Variants in PCDHA12 observed in about 807,000 individuals in gnomAD.
PCDHA12 encodes the protein protocadherin alpha-12.
In PCDHA12, 44 loss-of-function variants were observed where a neutral mutation model predicts 60.0. The observed-to-expected ratio is 0.73, with a 90% CI of 0.58 to 0.94. PCDHA12 has a LOEUF of 0.94. Ranked by LOEUF, PCDHA12 falls within the 40% of genes least tolerant of loss-of-function variation. The pLI, the probability that PCDHA12 is intolerant of heterozygous loss-of-function variation, is 0.00. For synonymous variants in PCDHA12, 569 were observed against 553.0 expected (o/e 1.03, Z -0.40); for missense variants, 1,276 against 1,239.7 (o/e 1.03, Z -0.44).
At chr5:140,897,610 C>T (rs1439314706) in intron 1 of PCDHA12, among the ~76,000 whole-genome samples, 2 of 152,078 alleles carry the variant, frequency 1.3e-5, no homozygotes, top group East Asian at 1.9e-4. Context: ...TGGGTTGGTT[C>T]CAAGTCTTTA....
chr5:140,915,049 G>A (rs141616466), intron 1 of PCDHA12, among the ~76,000 whole-genome samples: 6,100 of 150,756 alleles, frequency 0.04, 138 homozygotes, highest in Non-Finnish European at 0.052. Flanking sequence ...GGGTTCAAGC[G>A]ATTCTCCTGC....
At chr5:140,887,459 G>T (rs532781133) in intron 1 of PCDHA12, among the ~76,000 whole-genome samples, 4 of 152,126 alleles carry the variant, frequency 2.6e-5, no homozygotes, top group Non-Finnish European at 5.9e-5. Flanking sequence ...TTTTTTAAAA[G>T]ATATAATTCA....
At position 140,877,652 on chromosome 5, in the gene PCDHA12, C is replaced by T. The variant is rs1456022709; in HGVS notation, c.2180C>T (p.Pro727Leu). The change falls in exon 1 of 4, where the codon CCC becomes CTC. Residue 727 changes from proline to leucine, a missense_variant. Physicochemically the swap from Pro to Leu is moderately conservative, Grantham distance 98. Transcript: ENST00000398631. ...ACTGCGCTGCGTTGCTCAGCGCCGC[C>T]CACCGTGAGCCGGTGCGCGCCGGGC... ...LYTALRCSAP[P>L]TVSRCAPGKP... 1 of 1,613,400 alleles carries T rather than the reference C, an allele frequency of 6.2e-7. No homozygotes were observed. Among genetic ancestry groups the T allele is most frequent in the Non-Finnish European group, 8.5e-7 (1 of 1,179,762 alleles).
intron 1 of PCDHA12, among the ~76,000 whole-genome samples, chr5:140,944,533 AG>A (rs1276351803): frequency 6.6e-6 from 1 of 152,148 alleles, no homozygotes; most frequent in Non-Finnish European, 1.5e-5. Flanking sequence ...AAATGATTTA[AG>A]TATTTAAAGA....
At chr5:140,990,445 A>C (rs1212288513) in intron 3 of PCDHA12, among the ~76,000 whole-genome samples, 2 of 152,140 alleles carry the variant, frequency 1.3e-5, no homozygotes, top group Non-Finnish European at 2.9e-5. Context: ...TTGTGTCCAG[A>C]GCTGTTGCTG....
chr5:141,007,472 G>A (rs2098331789), intron 3 of PCDHA12, among the ~76,000 whole-genome samples: 1 of 151,844 alleles, frequency 6.6e-6, no homozygotes, highest in Non-Finnish European at 1.5e-5. Context: ...GGAGGCTGAG[G>A]CACGAGAATT....
chr5:140,967,087 G>A (rs782556858), intron 1 of PCDHA12: 5 of 1,613,256 alleles, frequency 3.1e-6, no homozygotes, highest in South Asian at 1.1e-5. Flanking sequence ...GCATTGATCG[G>A]GAGGCGCTGT....
At position 140,979,365 on chromosome 5, in the gene PCDHA12, C is replaced by T. The variant is rs782063202; in HGVS notation, c.2426+358C>T. Among the ~76,000 whole-genome samples, 13 of 151,916 alleles carry T rather than the reference C, an allele frequency of 8.6e-5. 1 individual carries two copies. The highest frequency in any genetic ancestry group is 1.5e-5 in the Non-Finnish European group (1 of 67,992). On this transcript the variant is annotated intron_variant, in intron 2 of 3. Coordinates refer to ENST00000398631, the MANE Select transcript of PCDHA12 (RefSeq NM_018903.4). ...TGTAATTAATACTCATGCTTTGAGA[C>T]TTGGGTACATTGTGCAATGTATACA...
intron 1 of PCDHA12, among the ~76,000 whole-genome samples, chr5:140,906,376 C>T (rs1372120775): frequency 1.3e-5 from 2 of 152,166 alleles, no homozygotes; most frequent in Admixed American, 6.5e-5. Context: ...AATGCTATTA[C>T]ATAAAGTTAA....
At chr5:140,941,255 C>CTTTCTT (rs782490896) in intron 1 of PCDHA12, among the ~76,000 whole-genome samples, 957 of 44,428 alleles carry the variant, frequency 0.022, 12 homozygotes, top group African/African-American at 0.028. Flanking sequence ...TTCTTTCTTT[C>CTTTCTT]TCTTTCTTTC....
chr5:140,906,761 A>G (rs896512633), intron 1 of PCDHA12, among the ~76,000 whole-genome samples: 2 of 152,204 alleles, frequency 1.3e-5, no homozygotes, highest in Non-Finnish European at 2.9e-5. Flanking sequence ...GGTAATACTA[A>G]GAGACACCCT....
At chr5:140,903,687 T>C (rs1554191081) in intron 1 of PCDHA12, among the ~76,000 whole-genome samples, 1 of 152,228 alleles carries the variant, frequency 6.6e-6, no homozygotes, top group Non-Finnish European at 1.5e-5. Context: ...GTTTGGTAAA[T>C]AGTTTAAAAT....
chr5:140,915,488 C>T (rs2077146969), intron 1 of PCDHA12, among the ~76,000 whole-genome samples: 1 of 152,126 alleles, frequency 6.6e-6, no homozygotes, highest in Non-Finnish European at 1.5e-5. Flanking sequence ...GGGCCTCAAT[C>T]CCAATAATAC....
At chr5:140,984,132 G>A (rs1395953013) in intron 3 of PCDHA12, among the ~76,000 whole-genome samples, 1 of 152,240 alleles carries the variant, frequency 6.6e-6, no homozygotes, top group African/African-American at 2.4e-5. Context: ...GTTGCAGGAT[G>A]TGGAGGCATC....
At chr5:140,925,682 G>A (rs1554202871) in intron 1 of PCDHA12, among the ~76,000 whole-genome samples, 1 of 122,672 alleles carries the variant, frequency 8.2e-6, no homozygotes, top group Non-Finnish European at 1.8e-5. Context: ...ATAATAAAGC[G>A]AGGGTGGGTA....
intron 3 of PCDHA12, among the ~76,000 whole-genome samples, chr5:141,000,387 C>A (rs868946328): frequency 8.2e-4 from 55 of 66,860 alleles, no homozygotes; most frequent in African/African-American, 2.7e-3. Context: ...CTCTCTCTCT[C>A]TCTCTCTCTA....
chr5:141,004,037 G>C (rs946974688), intron 3 of PCDHA12, among the ~76,000 whole-genome samples: 1 of 152,200 alleles, frequency 6.6e-6, no homozygotes, highest in African/African-American at 2.4e-5. Context: ...TTCCTTGATT[G>C]ATCATTTGCT....
intron 2 of PCDHA12, among the ~76,000 whole-genome samples, chr5:140,979,789 C>CAAAT (rs1244398411): frequency 2.6e-5 from 4 of 152,148 alleles, no homozygotes; most frequent in African/African-American, 9.7e-5. Context: ...GACCAAGAAA[C>CAAAT]AAATGATCAC....
At chr5:140,980,189 A>T (rs2096879459) in intron 2 of PCDHA12, among the ~76,000 whole-genome samples, 1 of 152,226 alleles carries the variant, frequency 6.6e-6, no homozygotes, top group African/African-American at 2.4e-5. Context: ...CTTTATATTT[A>T]TTAGAGACCA....
Sources: allele counts gnomAD v4.1 joint callset (sites outside exome capture counted in the v4.1 genomes callset), GRCh38; gene constraint gnomAD v4.1.1; transcripts MANE v1.5; gene names NCBI Gene and HGNC (gene_info 2026-07-23, HGNC 2026-07-21).